ZNF140: variants seen among roughly 807,000 people sequenced by gnomAD.
ZNF140 encodes zinc finger protein 140 (clone pHZ-39).
Under a neutral mutation model 12.9 loss-of-function variants are expected in ZNF140, and 13 were observed. The observed-to-expected ratio is 1.01, with a 90% CI of 0.66 to 1.60. The LOEUF (loss-of-function observed/expected upper bound fraction) is 1.60. Ranked by LOEUF, ZNF140 falls within the 40% of genes most tolerant of loss-of-function variation. The pLI is 0.00. For missense variants in ZNF140, 531 were observed against 548.8 expected (o/e 0.97, Z 0.32); for synonymous variants, 214 against 186.7 (o/e 1.15, Z -1.19).
intron 4 of ZNF140, among the ~76,000 whole-genome samples, chr12:133,099,324 A>G (rs1955249148): frequency 6.6e-6 from 1 of 150,914 alleles, no homozygotes; most frequent in Non-Finnish European, 1.5e-5. Flanking sequence ...TTACAGGTGC[A>G]CACCACCACG....
chr12:133,090,786 CA>C (rs1161019114), intron 4 of ZNF140, among the ~76,000 whole-genome samples: 64 of 140,416 alleles, frequency 4.6e-4, no homozygotes, highest in Admixed American at 2.7e-3. Flanking sequence ...AGAAGGTCAG[CA>C]AAAAACATGT....
Position 133,105,867 on chromosome 12 carries a change from C to A in ZNF140, c.590C>A (p.Thr197Asn). The A allele has an allele frequency of 6.2e-7, 1 of 1,614,088 alleles. No homozygotes were observed. The change falls in exon 5 of 5, where the codon ACC becomes AAC. Residue 197 changes from threonine to asparagine, a missense_variant. Transcript: ENST00000355557. ...KPYACKECGKTFSQISNLVKH... is the reference protein window; with the variant it reads ...KPYACKECGKNFSQISNLVKH... ...TATGCATGTAAGGAATGTGGCAAAACCTTTAGCCAGATTTCAAACCTTGTG... is the reference window on the plus strand; with the variant it reads ...TATGCATGTAAGGAATGTGGCAAAAACTTTAGCCAGATTTCAAACCTTGTG...
chr12:133,097,818 CATGT>C (rs1285870096), intron 4 of ZNF140, among the ~76,000 whole-genome samples: 35 of 106,584 alleles, frequency 3.3e-4, no homozygotes, highest in Admixed American at 1.0e-3. Flanking sequence ...CACATCTAAC[CATGT>C]GTGTGTGTGT....
intron 2 of ZNF140, 158 bp from the exon 3 acceptor site, chr12:133,082,945 T>C: frequency 2.9e-6 from 3 of 1,030,904 alleles, no homozygotes; most frequent in Non-Finnish European, 4.2e-6. Flanking sequence ...ACACAAGAGC[T>C]AGGCTCTTCA....
rs113888768 is a variant in ZNF140 at position 133,081,559 on chromosome 12, A to G, written c.9+230A>G. On this transcript the variant is annotated intron_variant, in intron 2 of 4. Transcript: ENST00000355557. ...CTTGGGACGTGGCTTTCTTTCTCCT[A>G]CAACCACCTGCCTGGCAGAACCCCA... The G allele has an allele frequency of 5.2e-3, 2,375 of 455,574 alleles. 12 individuals carry two copies. Among genetic ancestry groups the G allele is most frequent in the African/African-American group, 0.022 (1,102 of 49,892 alleles). The allele number at this position is 455,574 out of a possible 1,614,324, so 28.2% of individuals were successfully genotyped here. A position where few individuals can be genotyped will look rare whatever the true frequency, so the allele number is the denominator to read the frequency against.
intron 4 of ZNF140, among the ~76,000 whole-genome samples, chr12:133,104,150 G>C (rs1047517164): frequency 6.6e-6 from 1 of 152,166 alleles, no homozygotes; most frequent in Non-Finnish European, 1.5e-5. Flanking sequence ...GTTTTTAGAT[G>C]TTATTGGGAA....
rs765515070 is a variant in ZNF140 at position 133,106,392 on chromosome 12, T to G, written c.1115T>G (p.Leu372Arg). 2.5e-6 allele frequency: 4 copies of G among 1,614,218 alleles called. No individual in the cohort carries two copies. In the South Asian group the frequency reaches 3.3e-5, roughly 13 times the overall value. ...CGKVFTWHASLIQHTKSHTGE... is the reference protein window; with the variant it reads ...CGKVFTWHASRIQHTKSHTGE... ...AAAGTTTTCACTTGGCATGCATCCCTTATTCAACATACGAAGAGTCACACT... is the reference window on the plus strand; with the variant it reads ...AAAGTTTTCACTTGGCATGCATCCCGTATTCAACATACGAAGAGTCACACT... The change falls in exon 5 of 5, where the codon CTT (leucine) becomes CGT (arginine). Residue 372 changes from leucine (L) to arginine (R), a missense_variant. By Grantham distance (102) the Leu-to-Arg change is moderately radical. Coordinates refer to ENST00000355557, the MANE Select transcript of ZNF140 (RefSeq NM_003440.4).
rs1955350380 is a variant in ZNF140 at position 133,101,564 on chromosome 12, C to T, written c.233-3946C>T. Among the ~76,000 whole-genome samples the T allele has an allele frequency of 2.6e-5, 4 of 152,306 alleles. No individual in the cohort carries two copies. In the South Asian group the frequency reaches 8.3e-4, roughly 32 times the overall value. On this transcript the variant is annotated intron_variant, in intron 4 of 4. Coordinates refer to ENST00000355557, the MANE Select transcript of ZNF140 (RefSeq NM_003440.4). ...GGTTCACGCCATTCTCCTGCCTCAGCCTCCCGAGTAGCTGGGACTACAGGC... is the reference window on the plus strand; with the variant it reads ...GGTTCACGCCATTCTCCTGCCTCAGTCTCCCGAGTAGCTGGGACTACAGGC...
chr12:133,083,958 T>C (rs1194511026), intron 4 of ZNF140, among the ~76,000 whole-genome samples: 1 of 146,344 alleles, frequency 6.8e-6, no homozygotes, highest in Non-Finnish European at 1.5e-5. Flanking sequence ...AGACTCCATC[T>C]CAAAAAAAAA....
In ZNF140 at chr12:133,106,793, C is replaced by T; in HGVS notation, c.*142C>T. ...ATATGGCCCACACTTTATTCACCAC[C>T]CTGGAGAAAAAAAAACCCAGGAATA... On this transcript the variant is annotated 3_prime_UTR_variant, in exon 5 of 5. Coordinates refer to ENST00000355557, the MANE Select transcript of ZNF140 (RefSeq NM_003440.4). 1.2e-5 allele frequency: 8 copies of T among 690,896 alleles called. No individual in the cohort carries two copies. Among genetic ancestry groups the T allele is most frequent in the Non-Finnish European group, 1.3e-5 (6 of 466,494 alleles). 42.8% of individuals were successfully genotyped at this position (690,896 alleles called of 1,614,324 possible).
At chr12:133,099,243 G>C (rs1955245379) in intron 4 of ZNF140, among the ~76,000 whole-genome samples, 3 of 152,210 alleles carry the variant, frequency 2.0e-5, no homozygotes. Flanking sequence ...CATGATCTTG[G>C]CTCACTGCAG....
chr12:133,104,477 G>A lies in ZNF140; in HGVS notation c.233-1033G>A, dbSNP rs894073688. ...AATGATTCTCCTGCCTCAGCCTCCTGAGTACCTGGGACTACAGGTGCATGC... is the reference window on the plus strand; with the variant it reads ...AATGATTCTCCTGCCTCAGCCTCCTAAGTACCTGGGACTACAGGTGCATGC... On this transcript the variant is annotated intron_variant, in intron 4 of 4. Coordinates refer to ENST00000355557, the MANE Select transcript of ZNF140 (RefSeq NM_003440.4). Among the ~76,000 whole-genome samples the A allele has an allele frequency of 5.8e-3, 882 of 151,670 alleles. 13 individuals are homozygous for A. The highest frequency in any genetic ancestry group is 0.021 in the African/African-American group (858 of 41,314).
chr12:133,089,769 T>C (rs1336356554), intron 4 of ZNF140, among the ~76,000 whole-genome samples: 1 of 152,180 alleles, frequency 6.6e-6, no homozygotes, highest in Non-Finnish European at 1.5e-5. Context: ...GGCTTATTGA[T>C]TTTAATTATC....
intron 4 of ZNF140, chr12:133,093,432 T>C (rs1185743728): frequency 1.1e-5 from 8 of 699,538 alleles, no homozygotes; most frequent in Non-Finnish European, 1.8e-5. Context: ...TTCAGCTAAC[T>C]GTGTCAGCTT....
rs1280448076 is a variant in ZNF140, at chr12:133,094,999, TC to T, written c.233-10510del. ...GAACTCTGTTTCTGCCTCTTCACAA[TC>T]TATTACACAGCTTTCAGGGGCATCA... is the stretch of plus-strand genomic sequence containing the variant. On this transcript the variant is annotated intron_variant, in intron 4 of 4. Coordinates refer to ENST00000355557, the MANE Select transcript of ZNF140 (RefSeq NM_003440.4). Among the ~76,000 whole-genome samples, 4 of 151,286 alleles carry T rather than the reference TC, an allele frequency of 2.6e-5. 1 individual carries two copies. The highest frequency in any genetic ancestry group is 9.8e-5 in the African/African-American group (4 of 40,840).
intron 4 of ZNF140, chr12:133,100,897 C>T (rs980299308): frequency 9.9e-5 from 41 of 415,064 alleles, no homozygotes; most frequent in African/African-American, 6.4e-4. Flanking sequence ...CAGGATGGTG[C>T]GAGACGTCAC....
At chr12:133,090,917 G>A (rs34711161) in intron 4 of ZNF140, among the ~76,000 whole-genome samples, 2,248 of 143,074 alleles carry the variant, frequency 0.016, 14 homozygotes, top group Non-Finnish European at 0.023. Flanking sequence ...GAATAACAAG[G>A]CAGCATTACT....
intron 4 of ZNF140, among the ~76,000 whole-genome samples, chr12:133,086,880 T>C (rs1406118630): frequency 6.6e-6 from 1 of 152,264 alleles, no homozygotes; most frequent in Non-Finnish European, 1.5e-5. Context: ...GTACCATTTA[T>C]TGATAGATCA....
chr12:133,103,291 C>T (rs1007387750), intron 4 of ZNF140, among the ~76,000 whole-genome samples: 5 of 152,180 alleles, frequency 3.3e-5, no homozygotes, highest in African/African-American at 9.7e-5. Context: ...ACAATAACAT[C>T]TTACCTGTCC....
Sources: allele counts gnomAD v4.1 joint callset (sites outside exome capture counted in the v4.1 genomes callset), GRCh38; gene constraint gnomAD v4.1.1; transcripts MANE v1.5; gene names NCBI Gene and HGNC (gene_info 2026-07-23, HGNC 2026-07-21).